MEIS1: variants seen among roughly 807,000 people sequenced by gnomAD.
MEIS1 encodes homeobox protein Meis1.
Under a neutral mutation model 50.8 loss-of-function variants are expected in MEIS1, and 5 were observed. That is an observed-to-expected ratio of 0.10 (90% confidence interval 0.05 to 0.21). MEIS1 has a LOEUF of 0.21. Among genes scored for constraint, MEIS1 ranks in the 10% least tolerant of loss-of-function variants. The pLI is 1.00. For synonymous variants in MEIS1, 176 were observed against 179.3 expected (o/e 0.98, Z 0.15); for missense variants, 318 against 517.3 (o/e 0.61, Z 3.74).
intron 9 of MEIS1, among the ~76,000 whole-genome samples, chr2:66,552,009 T>C (rs889291073): frequency 8.0e-5 from 12 of 149,804 alleles, no homozygotes; most frequent in Middle Eastern, 3.5e-3. Context: ...TTTAAGTATT[T>C]AAGTAGAACT....
intron 7 of MEIS1, among the ~76,000 whole-genome samples, chr2:66,482,840 C>T (rs761429053): frequency 2.6e-5 from 4 of 152,178 alleles, no homozygotes; most frequent in Non-Finnish European, 5.9e-5. Flanking sequence ...TTCCTGATGC[C>T]ATCTAGTGAT....
chr2:66,548,956 A>G (rs1226003853), intron 9 of MEIS1, among the ~76,000 whole-genome samples: 1 of 152,208 alleles, frequency 6.6e-6, no homozygotes, highest in Non-Finnish European at 1.5e-5. Flanking sequence ...AATAAGTGTC[A>G]AAGATTAATA....
intron 5 of MEIS1, 23 bp from the exon 6 acceptor site, chr2:66,442,879 T>A: frequency 6.4e-7 from 1 of 1,570,134 alleles, no homozygotes; most frequent in Non-Finnish European, 8.6e-7. Context: ...TATTCCCATT[T>A]TTTTATTTCT....
intron 9 of MEIS1, among the ~76,000 whole-genome samples, chr2:66,556,604 T>G (rs1675071445): frequency 1.3e-5 from 2 of 152,042 alleles, no homozygotes; most frequent in African/African-American, 4.8e-5. Flanking sequence ...TACTCTAGGA[T>G]GCTAACTAAA....
At chr2:66,476,963 T>C (rs1218138227) in intron 7 of MEIS1, among the ~76,000 whole-genome samples, 2 of 152,004 alleles carry the variant, frequency 1.3e-5, no homozygotes, top group Non-Finnish European at 2.9e-5. Context: ...TTGGGGACTT[T>C]GTGTGTGCTT....
At chr2:66,439,033 C>T (rs557517996) in intron 2 of MEIS1, 1 of 152,194 alleles carries the variant, frequency 6.6e-6, no homozygotes, top group African/African-American at 2.4e-5. Context: ...ACTTGAGATA[C>T]CTCCTTGGGC....
At chr2:66,484,408 C>G (rs544975860) in intron 7 of MEIS1, among the ~76,000 whole-genome samples, 1 of 152,258 alleles carries the variant, frequency 6.6e-6, no homozygotes, top group South Asian at 2.1e-4. Flanking sequence ...TCTATTCATT[C>G]TCTCATGACA....
chr2:66,503,719 G>A (rs927530742), intron 7 of MEIS1, among the ~76,000 whole-genome samples: 1 of 147,200 alleles, frequency 6.8e-6, no homozygotes, highest in East Asian at 2.0e-4. Context: ...TGCAAAAGAT[G>A]GTTACATATA....
intron 9 of MEIS1, among the ~76,000 whole-genome samples, chr2:66,552,977 AC>A (rs1674957542): frequency 6.6e-6 from 1 of 151,856 alleles, no homozygotes; most frequent in Non-Finnish European, 1.5e-5. Context: ...TGAATATTAG[AC>A]ACAGATTGTT....
intron 7 of MEIS1, among the ~76,000 whole-genome samples, chr2:66,495,103 T>C (rs1466898631): frequency 1.0e-4 from 15 of 149,052 alleles, no homozygotes; most frequent in Admixed American, 7.3e-4. Flanking sequence ...TTTTTTTTTT[T>C]TTTTTAAACT....
intron 9 of MEIS1, among the ~76,000 whole-genome samples, chr2:66,556,991 A>G (rs185367319): frequency 3.9e-5 from 6 of 152,288 alleles, no homozygotes; most frequent in South Asian, 2.1e-4. Context: ...TGAATATAGT[A>G]TTTAAAAAGC....
chr2:66,558,430 C>T (rs528664223), intron 9 of MEIS1, among the ~76,000 whole-genome samples: 251 of 152,114 alleles, frequency 1.7e-3, no homozygotes, highest in African/African-American at 4.9e-3. Flanking sequence ...TTGACAGATT[C>T]CAAGATGTCA....
chr2:66,517,562 A>G (rs1016056138), intron 8 of MEIS1, among the ~76,000 whole-genome samples: 8 of 152,164 alleles, frequency 5.3e-5, no homozygotes, highest in Non-Finnish European at 1.0e-4. Flanking sequence ...CTTTGCTGAA[A>G]CTAACCCAGG....
chr2:66,486,780 A>C (rs1673153989), intron 7 of MEIS1, among the ~76,000 whole-genome samples: 1 of 152,150 alleles, frequency 6.6e-6, no homozygotes, highest in Admixed American at 6.5e-5. Flanking sequence ...TTTCTTGAGC[A>C]GTGGTTTGTA....
At position 66,571,375 on chromosome 2, in the gene MEIS1, A is replaced by G. The variant is rs777587263; in HGVS notation, c.*167A>G. 2 of 1,602,548 alleles carry G rather than the reference A, an allele frequency of 1.2e-6. No homozygotes were observed. The highest frequency in any genetic ancestry group is 1.7e-5 in the Admixed American group (1 of 57,834). On this transcript the variant is annotated 3_prime_UTR_variant, in exon 13 of 13. Coordinates refer to ENST00000272369, the MANE Select transcript of MEIS1 (RefSeq NM_002398.3). Reference sequence around the variant, plus strand: ...CAGCTGCGTCATGGGCCCCCCATGCATACGTACATTCCTGGACACCCTCAC... The same window carrying G: ...CAGCTGCGTCATGGGCCCCCCATGCGTACGTACATTCCTGGACACCCTCAC...
At chr2:66,455,040 A>C (rs1366237250) in intron 6 of MEIS1, among the ~76,000 whole-genome samples, 2 of 152,226 alleles carry the variant, frequency 1.3e-5, no homozygotes, top group East Asian at 3.8e-4. Context: ...TAAAGTCAGT[A>C]AATATAAGAA....
intron 6 of MEIS1, among the ~76,000 whole-genome samples, chr2:66,459,051 A>C (rs562661548): frequency 7.2e-5 from 11 of 152,316 alleles, no homozygotes; most frequent in African/African-American, 2.4e-4. Flanking sequence ...CAAAGCAAAG[A>C]GTGAAAGGCT....
In MEIS1 at chr2:66,547,992, G is replaced by A; in HGVS notation, c.938G>A (p.Gly313Glu). ...AAAAAGCAGTTGGCACAAGACACGG[G>A]ACTCACCATCCTTCAAGTGAACAAT... is the stretch of plus-strand genomic sequence containing the variant. ...EQKKQLAQDT[G>E]LTILQVNNWF... The change falls in exon 9 of 13, where the codon GGA becomes GAA. Residue 313 changes from glycine to glutamate, a missense_variant. Around this residue, in one of 6 missense-constraint regions of MEIS1, gnomAD observed 40 missense variants for 102.8 expected, o/e 0.39. Coordinates refer to ENST00000272369, the MANE Select transcript of MEIS1 (RefSeq NM_002398.3). 6.2e-7 allele frequency: 1 copy of A among 1,613,088 alleles called. No homozygotes were observed. The highest frequency in any genetic ancestry group is 8.5e-7 in the Non-Finnish European group (1 of 1,179,272).
rs142789258 is a variant in MEIS1 at position 66,456,436 on chromosome 2, A to G, written c.631-7673A>G. Among the ~76,000 whole-genome samples the G allele has an allele frequency of 2.0e-4, 30 of 152,318 alleles. No homozygotes were observed. The East Asian group carries it at 5.6e-3, about 28-fold the overall frequency. ...ATAACCAAGATGCATTTCTAGATTAAAAGTTCACAATGGCAAATATGACAG... is the reference window on the plus strand; with the variant it reads ...ATAACCAAGATGCATTTCTAGATTAGAAGTTCACAATGGCAAATATGACAG... On this transcript the variant is annotated intron_variant, in intron 6 of 12. Transcript: ENST00000272369.
Sources: gnomAD v4.1 joint callset for allele counts (sites outside exome capture counted in the v4.1 genomes callset) on GRCh38, gnomAD v4.1.1 for gene constraint, gnomAD v4.1.1 regional missense constraint, MANE v1.5 for transcripts, NCBI Gene and HGNC (gene_info 2026-07-23, HGNC 2026-07-21) for gene names.